Variants in WNK2 observed in about 807,000 individuals in gnomAD.
The protein encoded by WNK2 is serine/threonine-protein kinase WNK2.
A neutral mutation model predicts 192.1 loss-of-function variants in WNK2; 67 were observed. That is an observed-to-expected ratio of 0.35 (90% CI 0.29 to 0.43). The LOEUF (loss-of-function observed/expected upper bound fraction) is 0.43, where lower values mean the gene tolerates loss of function less well. WNK2 is among the 20% of genes least tolerant of loss of function. The pLI is 1.00. For missense variants in WNK2, 2,698 were observed against 3,089.7 expected (o/e 0.87, Z 3.01); for synonymous variants, 1,439 against 1,393.9 (o/e 1.03, Z -0.72).
At chr9:93,318,181 G>T in intron 29 of WNK2, 1 of 1,492,852 alleles carries the variant, frequency 6.7e-7, no homozygotes, top group South Asian at 1.4e-5. Flanking sequence ...ATCGGAAAAG[G>T]TTTCATTTGC....
At chr9:93,212,276 G>A (rs1435694154) in intron 2 of WNK2, among the ~76,000 whole-genome samples, 2 of 152,256 alleles carry the variant, frequency 1.3e-5, no homozygotes, top group South Asian at 2.1e-4. Context: ...GCAGCCAGAT[G>A]TTGGGATAAG....
chr9:93,308,149 A>C (rs1588615580), intron 27 of WNK2, 179 bp from the exon 28 acceptor site: 1 of 1,291,178 alleles, frequency 7.7e-7, no homozygotes. Flanking sequence ...GAAATGCCCC[A>C]CCATGTCTGA....
chr9:93,247,893 A>C lies in WNK2; in HGVS notation c.1834+59A>C, dbSNP rs1286464378. ...CCCTCCCACCTACCCTGCAAAAACCAGCTATTGGGCAAAGAAAAATGAAGT... is the reference window on the plus strand; with the variant it reads ...CCCTCCCACCTACCCTGCAAAAACCCGCTATTGGGCAAAGAAAAATGAAGT... On this transcript the variant is annotated intron_variant, in intron 8 of 29. Coordinates refer to ENST00000427277, the MANE Select transcript of WNK2 (RefSeq NM_006648.4). The surrounding 1 kb of genome is among the most constrained non-coding windows in gnomAD (Gnocchi z 5.2). 2.0e-6 allele frequency: 3 copies of C among 1,493,556 alleles called. No homozygotes were observed. The highest frequency in any genetic ancestry group is 2.7e-6 in the Non-Finnish European group (3 of 1,123,170). 92.5% of individuals were successfully genotyped at this position (1,493,556 alleles called of 1,614,324 possible).
At chr9:93,221,039 G>T (rs1461990119) in intron 2 of WNK2, among the ~76,000 whole-genome samples, 4 of 152,220 alleles carry the variant, frequency 2.6e-5, no homozygotes, top group Admixed American at 2.6e-4. Flanking sequence ...CACGATGGAG[G>T]GTATTGGGTG....
intron 18 of WNK2, among the ~76,000 whole-genome samples, chr9:93,268,399 G>A (rs377714375): frequency 6.6e-6 from 1 of 152,166 alleles, no homozygotes; most frequent in Non-Finnish European, 1.5e-5. Context: ...CCCATCACCA[G>A]GGCCTCTTTA....
intron 19 of WNK2, among the ~76,000 whole-genome samples, chr9:93,285,250 T>C (rs1014738299): frequency 1.3e-5 from 2 of 152,190 alleles, no homozygotes. Flanking sequence ...TCATTTTGCC[T>C]CAATATCTAA....
chr9:93,240,756 C>T (rs1840632514), intron 7 of WNK2, among the ~76,000 whole-genome samples: 1 of 152,152 alleles, frequency 6.6e-6, no homozygotes, highest in South Asian at 2.1e-4. Flanking sequence ...TGGGACAGAT[C>T]TAGATTATTC....
chr9:93,268,467 G>C (rs545053532), intron 18 of WNK2, among the ~76,000 whole-genome samples, 160 bp from the exon 19 acceptor site: 56 of 152,134 alleles, frequency 3.7e-4, no homozygotes, highest in African/African-American at 1.3e-3. Flanking sequence ...ATTAATGACT[G>C]GGAACAGTGT....
rs562681454 is a variant in WNK2 at position 93,259,089 on chromosome 9, C to A, written c.2541C>A (p.Leu847=). The A allele has an allele frequency of 4.3e-6, 7 of 1,612,790 alleles. No homozygotes were observed. The highest frequency in any genetic ancestry group is 5.1e-6 in the Non-Finnish European group (6 of 1,179,490). Residue 847 remains leucine, a synonymous_variant, in exon 12 of 30, where the codon CTC becomes CTA. Transcript: ENST00000427277. The surrounding 1 kb of genome is among the most constrained non-coding windows in gnomAD (Gnocchi z 4.8). Reference sequence around the variant, plus strand: ...TCTTGCCGAGCCTCGCTGCCCCACTCCCCCCTGCGTCCCCAGCCTTGCCTC... The same window carrying A: ...TCTTGCCGAGCCTCGCTGCCCCACTACCCCCTGCGTCCCCAGCCTTGCCTC... The part of the protein sequence containing the change: ...AVILPSLAAP[L]PPASPALPLQ...
Position 93,292,526 on chromosome 9 carries a change from G to A in WNK2, c.5061G>A (p.Glu1687=). 6.3e-7 allele frequency: 1 copy of A among 1,583,358 alleles called. No homozygotes were observed. The highest frequency in any genetic ancestry group is 8.6e-7 in the Non-Finnish European group (1 of 1,162,706). ...VPAFVRPARV[E]PTDRDGGEAG... ...CTTTTGTGAGACCTGCACGTGTGGA[G>A]CCCACAGACAGGGATGGTGGAGAAG... The change falls in exon 23 of 30, where the codon GAG becomes GAA. Residue 1687 remains glutamate, a synonymous_variant. Coordinates refer to ENST00000427277, the MANE Select transcript of WNK2 (RefSeq NM_006648.4).
intron 19 of WNK2, among the ~76,000 whole-genome samples, chr9:93,272,497 G>A (rs1303596671): frequency 6.6e-6 from 1 of 151,862 alleles, no homozygotes; most frequent in Non-Finnish European, 1.5e-5. Flanking sequence ...CAGCACTTTG[G>A]GAGCCCAAGT....
intron 2 of WNK2, among the ~76,000 whole-genome samples, chr9:93,227,269 A>C (rs1236674791): frequency 6.6e-6 from 1 of 151,242 alleles, no homozygotes; most frequent in Non-Finnish European, 1.5e-5. Context: ...GCCCGCCACC[A>C]CGCCCAGCTA....
intron 21 of WNK2, among the ~76,000 whole-genome samples, chr9:93,290,636 A>T (rs1849197602): frequency 6.6e-6 from 1 of 152,230 alleles, no homozygotes; most frequent in Admixed American, 6.5e-5. Flanking sequence ...GACCCACCCC[A>T]GCCCTTGCTT....
chr9:93,300,210 C>A (rs74338822), intron 26 of WNK2, 61 bp downstream of exon 26: 14 of 1,360,920 alleles, frequency 1.0e-5, no homozygotes, highest in Non-Finnish European at 1.5e-5. Flanking sequence ...CCCCCCACCC[C>A]CTCCCTGTCT....
chr9:93,304,813 G>A lies in WNK2; in HGVS notation c.6215-1964G>A, dbSNP rs1233331834. ...AGCCCAGTTGTCTGCAGTGAGTGGC[G>A]TCCGACAGCATGGCCTTGAAAGACT... On this transcript the variant is annotated intron_variant, in intron 26 of 29. Transcript: ENST00000427277. Among the ~76,000 whole-genome samples the A allele has an allele frequency of 3.9e-5, 6 of 152,218 alleles. No homozygotes were observed. In the East Asian group the frequency reaches 5.8e-4, roughly 15 times the overall value.
At chr9:93,288,682 G>A (rs578123492) in intron 19 of WNK2, 106 bp from the exon 20 acceptor site, 12 of 1,170,160 alleles carry the variant, frequency 1.0e-5, no homozygotes, top group South Asian at 6.4e-5. Context: ...AGACCAGCAC[G>A]CTGGGGCCAT....
At chr9:93,286,813 G>A (rs1171616387) in intron 19 of WNK2, among the ~76,000 whole-genome samples, 1 of 152,204 alleles carries the variant, frequency 6.6e-6, no homozygotes, top group East Asian at 1.9e-4. Context: ...TTGCACAGTG[G>A]AGTACTGTTT....
chr9:93,257,781 G>A lies in WNK2; in HGVS notation c.2382+642G>A, dbSNP rs1843549948. On this transcript the variant is annotated intron_variant, in intron 11 of 29. Coordinates refer to ENST00000427277, the MANE Select transcript of WNK2 (RefSeq NM_006648.4). The surrounding 1 kb of genome is among the most constrained non-coding windows in gnomAD (Gnocchi z 4.7). ...CCAGCAAGGCTCGACTCACACAGCTGAAGTGACTTCTGCTGTCTTTCTCTG... is the reference window on the plus strand; with the variant it reads ...CCAGCAAGGCTCGACTCACACAGCTAAAGTGACTTCTGCTGTCTTTCTCTG... 6.6e-6 allele frequency among the ~76,000 whole-genome samples: 1 copy of A among 152,220 alleles called. No homozygotes were observed. The highest frequency in any genetic ancestry group is 2.1e-4 in the South Asian group (1 of 4,832).
intron 2 of WNK2, among the ~76,000 whole-genome samples, chr9:93,226,610 A>G (rs894327465): frequency 1.3e-5 from 2 of 152,132 alleles, no homozygotes; most frequent in Non-Finnish European, 2.9e-5. Context: ...CCTCCACCCC[A>G]AGATCTCTTG....
Sources: allele counts gnomAD v4.1 joint callset (sites outside exome capture counted in the v4.1 genomes callset), GRCh38; gene constraint gnomAD v4.1.1; non-coding constraint Gnocchi (gnomAD v3.1); transcripts MANE v1.5; gene names NCBI Gene and HGNC (gene_info 2026-07-23, HGNC 2026-07-21).